The following ZNF469 variants were observed in gnomAD, a reference collection of about 807,000 sequenced individuals.
ZNF469 encodes zinc finger protein 469.
A neutral mutation model predicts 1.0 loss-of-function variants in ZNF469; 1 was observed. The ratio of observed to expected loss-of-function variants is 1.00; its 90% CI spans 0.35 to 4.73. ZNF469 has a LOEUF of 4.73. Among genes scored for constraint, ZNF469 ranks in the 30% most tolerant of loss-of-function variants. ZNF469 has a pLI of 0.16. For missense variants in ZNF469, 6,100 were observed against 5,356.3 expected, an observed-to-expected ratio of 1.14 and a Z score of -4.33; for synonymous variants, 2,703 against 2,363.4, an observed-to-expected ratio of 1.14 and a Z score of -4.17.
Position 88,434,890 on chromosome 16 carries a change from T to A in ZNF469, c.7420T>A (p.Cys2474Ser). The A allele has an allele frequency of 6.5e-7, 1 of 1,550,314 alleles. No homozygotes were observed. Among genetic ancestry groups the A allele is most frequent in the Non-Finnish European group, 8.7e-7 (1 of 1,146,982 alleles). ...KGQAPHGPVT[C>S]EVCAASFRSG... ...CCAAGCTCCACATGGGCCTGTGACCTGTGAGGTCTGCGCAGCCTCCTTCCG... is the reference window on the plus strand; with the variant it reads ...CCAAGCTCCACATGGGCCTGTGACCAGTGAGGTCTGCGCAGCCTCCTTCCG... Residue 2474 changes from cysteine (C) to serine (S), a missense_variant, in exon 3 of 3, where the codon TGT becomes AGT. Transcript: ENST00000565624.
the ZNF469 span, among the ~76,000 whole-genome samples, chr16:88,148,841 C>G: frequency 2.0e-5 from 3 of 152,174 alleles, no homozygotes; most frequent in Non-Finnish European, 4.4e-5. Flanking sequence ...CTGAGCATCC[C>G]CTTGTGTGGC....
chr16:88,348,693 A>G, the ZNF469 span, among the ~76,000 whole-genome samples: 1 of 152,128 alleles, frequency 6.6e-6, no homozygotes. Flanking sequence ...GGACCTCCTG[A>G]GGTGCCATTT....
chr16:88,122,606 TAAAA>T, the ZNF469 span, among the ~76,000 whole-genome samples: 2 of 151,994 alleles, frequency 1.3e-5, no homozygotes, highest in Non-Finnish European at 2.9e-5. Context: ...AGTTGGTCAA[TAAAA>T]TAAGAAGGTC....
At chr16:88,274,270 A>G in the ZNF469 span, among the ~76,000 whole-genome samples, 3 of 152,220 alleles carry the variant, frequency 2.0e-5, no homozygotes, top group African/African-American at 7.2e-5. Context: ...CTGGGAAGTT[A>G]GTCTTTAATG....
At chr16:88,401,230 C>G (rs909945676) in intron 1 of ZNF469, among the ~76,000 whole-genome samples, 1 of 152,210 alleles carries the variant, frequency 6.6e-6, no homozygotes, top group African/African-American at 2.4e-5. Context: ...GTATGCAGAG[C>G]AGTAGAAGAC....
the ZNF469 span, among the ~76,000 whole-genome samples, chr16:88,257,880 G>T: frequency 6.6e-6 from 1 of 152,120 alleles, no homozygotes; most frequent in East Asian, 1.9e-4. Context: ...CCCACAAAAG[G>T]CTTAGAATCA....
the ZNF469 span, among the ~76,000 whole-genome samples, chr16:88,120,175 G>A: frequency 2.6e-5 from 4 of 152,270 alleles, no homozygotes; most frequent in East Asian, 1.9e-4. Flanking sequence ...TCCAGGGAGC[G>A]CAGAACTGCC....
chr16:88,285,088 C>T, the ZNF469 span, among the ~76,000 whole-genome samples: 1 of 152,246 alleles, frequency 6.6e-6, no homozygotes, highest in Non-Finnish European at 1.5e-5. Flanking sequence ...GCCTAACATG[C>T]CTCATACCCG....
chr16:88,342,604 T>A, the ZNF469 span, among the ~76,000 whole-genome samples: 1 of 152,212 alleles, frequency 6.6e-6, no homozygotes, highest in South Asian at 2.1e-4. Context: ...TCGGACCTCC[T>A]GCCAGGGCCC....
the ZNF469 span, among the ~76,000 whole-genome samples, chr16:88,203,669 G>T: frequency 2.6e-5 from 4 of 152,146 alleles, no homozygotes; most frequent in African/African-American, 9.7e-5. Flanking sequence ...TCCTTGGCTT[G>T]TGGCCATGCC....
chr16:88,165,707 CTCACCAGCATCCA>C, the ZNF469 span, among the ~76,000 whole-genome samples: 32 of 152,256 alleles, frequency 2.1e-4, no homozygotes, highest in Non-Finnish European at 3.7e-4. Flanking sequence ...CTGTGCAAAC[CTCACCAGCATCCA>C]TCTCCAGAAC....
the ZNF469 span, chr16:88,178,396 G>A: frequency 1.3e-5 from 2 of 152,330 alleles, no homozygotes; most frequent in East Asian, 3.9e-4. Context: ...GGCGTTCTGA[G>A]AACTGAGCAC....
At chr16:88,110,776 G>C in the ZNF469 span, among the ~76,000 whole-genome samples, 1 of 152,254 alleles carries the variant, frequency 6.6e-6, no homozygotes, top group Non-Finnish European at 1.5e-5. Context: ...TGTGCGGGTT[G>C]GGCAGGTGCT....
chr16:88,236,861 A>T, the ZNF469 span, among the ~76,000 whole-genome samples: 6 of 152,168 alleles, frequency 3.9e-5, no homozygotes, highest in African/African-American at 1.4e-4. Context: ...CTCAAAAAAA[A>T]AAAAAATTAT....
the ZNF469 span, among the ~76,000 whole-genome samples, chr16:88,146,514 C>A: frequency 1.3e-5 from 2 of 152,094 alleles, no homozygotes; most frequent in Non-Finnish European, 2.9e-5. Flanking sequence ...CACCCTCCCC[C>A]CAGTCTCAGC....
the ZNF469 span, among the ~76,000 whole-genome samples, chr16:88,151,546 G>C: frequency 6.6e-6 from 1 of 152,234 alleles, no homozygotes; most frequent in African/African-American, 2.4e-5. The surrounding 1 kb of genome is among the most constrained non-coding windows in gnomAD (Gnocchi z 5.4). Flanking sequence ...ACCTCTGCCA[G>C]GGTGGCGTCT....
chr16:88,197,706 G>A, the ZNF469 span, among the ~76,000 whole-genome samples: 4 of 152,316 alleles, frequency 2.6e-5, no homozygotes, highest in African/African-American at 9.6e-5. Flanking sequence ...CACAGCGTCC[G>A]TGGGGCTGCC....
At position 88,431,610 on chromosome 16, in the gene ZNF469, C is replaced by T. The variant is rs1251427405; in HGVS notation, c.4140C>T (p.His1380=). 3.9e-6 allele frequency: 6 copies of T among 1,550,376 alleles called. No homozygotes were observed. Among genetic ancestry groups the T allele is most frequent in the Middle Eastern group, 1.7e-4 (1 of 6,014 alleles). The change falls in exon 3 of 3, where the codon CAC becomes CAT. Residue 1380 remains histidine (H), a synonymous_variant. Transcript: ENST00000565624. ...GGCCTCAGCCCTACAGCAGCCCCCA[C>T]AGTGAGTTGTTCCTCGGACCCAAAG... ...KKGPQPYSSP[H]SELFLGPKDL...
At chr16:88,130,257 G>A in the ZNF469 span, among the ~76,000 whole-genome samples, 21 of 152,286 alleles carry the variant, frequency 1.4e-4, no homozygotes, top group African/African-American at 4.8e-4. Context: ...CCATCTGGGG[G>A]TCTTCAGAGA....
Sources: allele counts gnomAD v4.1 joint callset (sites outside exome capture counted in the v4.1 genomes callset), GRCh38; gene constraint gnomAD v4.1.1; non-coding constraint Gnocchi (gnomAD v3.1); transcripts MANE v1.5; gene names NCBI Gene and HGNC (gene_info 2026-07-23, HGNC 2026-07-21).